The following PPIP5K2 variants were observed in gnomAD, a reference collection of about 807,000 sequenced individuals.
The protein encoded by PPIP5K2 is inositol hexakisphosphate and diphosphoinositol-pentakisphosphate kinase 2.
PPIP5K2 carries 105 observed loss-of-function variants against 154.6 expected under a neutral mutation model. The ratio of observed to expected loss-of-function variants is 0.68; its 90% confidence interval spans 0.58 to 0.80. The LOEUF is 0.80. Among genes scored for constraint, PPIP5K2 ranks in the 30% least tolerant of loss-of-function variants. The pLI, the probability that PPIP5K2 is intolerant of heterozygous loss-of-function variation, is 0.00. For missense variants in PPIP5K2, 992 were observed against 1,504.6 expected, an observed-to-expected ratio of 0.66 and a Z score of 5.64; for synonymous variants, 480 against 490.3, an observed-to-expected ratio of 0.98 and a Z score of 0.28.
At chr5:103,163,438 G>T (rs1277191312) in intron 17 of PPIP5K2, among the ~76,000 whole-genome samples, 1 of 151,642 alleles carries the variant, frequency 6.6e-6, no homozygotes, top group Admixed American at 6.6e-5. Flanking sequence ...GAGATTATAG[G>T]CATCAACCTT....
chr5:103,137,924 A>G (rs1049990044), intron 4 of PPIP5K2, among the ~76,000 whole-genome samples: 2 of 152,176 alleles, frequency 1.3e-5, no homozygotes, highest in Non-Finnish European at 2.9e-5. Context: ...CACTGTATCT[A>G]TCATATTTTT....
At position 103,141,504 on chromosome 5, in the gene PPIP5K2, T is replaced by G. The variant is rs561277604; in HGVS notation, c.487+3035T>G. On this transcript the variant is annotated intron_variant, in intron 5 of 30. Transcript: ENST00000358359. ...GGCAGCCTGCTTTTATTCTCTTATC[T>G]GGCCCCACCCACATCCTGCTGATTG... 1.1e-4 allele frequency among the ~76,000 whole-genome samples: 17 copies of G among 152,282 alleles called. No individual in the cohort carries two copies. In the South Asian group the frequency reaches 3.5e-3, roughly 32 times the overall value.
At chr5:103,148,214 A>T (rs781820889) in intron 7 of PPIP5K2, 182 bp downstream of exon 7, 14 of 654,352 alleles carry the variant, frequency 2.1e-5, no homozygotes, top group Non-Finnish European at 3.6e-5. Context: ...ACTCTTTTTT[A>T]AGAGTAGTGT....
At chr5:103,184,131 A>C (rs1194582591) in intron 25 of PPIP5K2, 1 of 152,434 alleles carries the variant, frequency 6.6e-6, no homozygotes, top group Non-Finnish European at 1.5e-5. Flanking sequence ...TGGAAGGTCT[A>C]CTGTCACACA....
At chr5:103,169,260 G>C (rs1797590474) in intron 19 of PPIP5K2, among the ~76,000 whole-genome samples, 1 of 151,620 alleles carries the variant, frequency 6.6e-6, no homozygotes, top group South Asian at 2.1e-4. Flanking sequence ...TTTCAACTCA[G>C]TACAAGATTA....
At chr5:103,144,701 G>A (rs1793439483) in intron 5 of PPIP5K2, among the ~76,000 whole-genome samples, 1 of 152,114 alleles carries the variant, frequency 6.6e-6, no homozygotes, top group African/African-American at 2.4e-5. Flanking sequence ...GTAGTGTTGG[G>A]AAAACTTGAT....
At chr5:103,190,671 C>G (rs1285266975) in intron 28 of PPIP5K2, among the ~76,000 whole-genome samples, 171 bp from the exon 29 acceptor site, 2 of 151,956 alleles carry the variant, frequency 1.3e-5, no homozygotes, top group East Asian at 3.9e-4. Context: ...CTTGTTCCAG[C>G]TCCATATTGC....
chr5:103,156,066 G>T, intron 14 of PPIP5K2, 72 bp downstream of exon 14: 1 of 1,054,502 alleles, frequency 9.5e-7, no homozygotes, highest in Non-Finnish European at 1.4e-6. Flanking sequence ...ATTACCTTTG[G>T]ACCATCTTTT....
intron 19 of PPIP5K2, among the ~76,000 whole-genome samples, chr5:103,171,445 A>G (rs1368272745): frequency 6.6e-6 from 1 of 151,576 alleles, no homozygotes; most frequent in African/African-American, 2.4e-5. Flanking sequence ...TCTCATTGAA[A>G]TCACCATAGA....
Position 103,211,972 on chromosome 5 carries a change from C to A in PPIP5K2, c.*10338C>A, listed in dbSNP as rs1306484307. On this transcript the variant is annotated 3_prime_UTR_variant, in exon 31 of 31. Coordinates refer to ENST00000358359, the MANE Select transcript of PPIP5K2 (RefSeq NM_001276277.3). ...ATGTAAAAGGAATCAACGGCTAAAT[C>A]AAGCTTAAAGTCTTCCTGTCCAAGG... is the stretch of plus-strand genomic sequence containing the variant. The A allele has an allele frequency of 6.6e-6, 1 of 152,080 alleles. No homozygotes were observed. Among genetic ancestry groups the A allele is most frequent in the Non-Finnish European group, 1.5e-5 (1 of 67,986 alleles). 9.4% of individuals were successfully genotyped at this position (152,080 alleles called of 1,614,324 possible).
At chr5:103,200,564 C>T (rs1172771426) in intron 30 of PPIP5K2, among the ~76,000 whole-genome samples, 2 of 151,798 alleles carry the variant, frequency 1.3e-5, no homozygotes, top group African/African-American at 4.8e-5. Flanking sequence ...TACATCTATT[C>T]ATCCATAGTA....
chr5:103,188,041 C>T (rs1800678617), intron 28 of PPIP5K2, among the ~76,000 whole-genome samples: 1 of 152,054 alleles, frequency 6.6e-6, no homozygotes, highest in Non-Finnish European at 1.5e-5. Context: ...TTAGAGGACT[C>T]CTGATAGGAA....
chr5:103,151,449 T>C, intron 9 of PPIP5K2, 75 bp downstream of exon 9: 1 of 1,244,196 alleles, frequency 8.0e-7, no homozygotes, highest in Non-Finnish European at 1.1e-6. Context: ...TAACATTAAA[T>C]GATCAGGGTT....
chr5:103,189,776 A>G (rs1562499896), intron 28 of PPIP5K2, among the ~76,000 whole-genome samples: 1 of 152,028 alleles, frequency 6.6e-6, no homozygotes, highest in Admixed American at 6.6e-5. Context: ...TTGGGTCAAT[A>G]TTTCCTTCAA....
rs995255222 is a variant in PPIP5K2, at chr5:103,138,582, A to G, written c.487+113A>G. On this transcript the variant is annotated intron_variant, in intron 5 of 30. Coordinates refer to ENST00000358359, the MANE Select transcript of PPIP5K2 (RefSeq NM_001276277.3). ...TAAAGAATTCATAGTATTCTATTCCATTTTAAAAAATAATCTAAACAGACA... is the reference window on the plus strand; with the variant it reads ...TAAAGAATTCATAGTATTCTATTCCGTTTTAAAAAATAATCTAAACAGACA... 60 of 559,796 alleles carry G rather than the reference A, an allele frequency of 1.1e-4. No homozygotes were observed. The African/African-American group carries it at 1.1e-3, about 10-fold the overall frequency. 34.7% of individuals were successfully genotyped at this position (559,796 alleles called of 1,614,324 possible).
chr5:103,124,444 T>C (rs990336072), intron 1 of PPIP5K2, among the ~76,000 whole-genome samples: 3 of 152,162 alleles, frequency 2.0e-5, no homozygotes, highest in African/African-American at 4.8e-5. Flanking sequence ...ATAATGGCCT[T>C]TGGTTTAAAC....
chr5:103,123,648 A>G (rs1789149757), intron 1 of PPIP5K2, among the ~76,000 whole-genome samples: 1 of 152,232 alleles, frequency 6.6e-6, no homozygotes. Context: ...TTTTCTAGTT[A>G]AGAATTACTG....
Position 103,190,850 on chromosome 5 carries a change from T to C in PPIP5K2, c.3361T>C (p.Leu1121=), listed in dbSNP as rs140592517. The change falls in exon 29 of 31, where the codon TTG becomes CTG. Residue 1121 remains leucine, a synonymous_variant. Coordinates refer to ENST00000358359, the MANE Select transcript of PPIP5K2 (RefSeq NM_001276277.3). ...FARHPTNGFE[L]YSMVPSICPL... is the part of the protein sequence containing the mutation. Reference sequence around the variant, plus strand: ...GTTTTTTTCTCTTCTAGGCTTTGAATTGTATTCCATGGTGCCATCTATTTG... The same window carrying C: ...GTTTTTTTCTCTTCTAGGCTTTGAACTGTATTCCATGGTGCCATCTATTTG... 9 of 1,585,120 alleles carry C rather than the reference T, an allele frequency of 5.7e-6. No individual in the cohort carries two copies. The African/African-American group carries it at 1.2e-4, about 22-fold the overall frequency.
intron 19 of PPIP5K2, among the ~76,000 whole-genome samples, chr5:103,169,090 C>A (rs960006546): frequency 3.3e-5 from 5 of 151,602 alleles, no homozygotes; most frequent in African/African-American, 4.8e-5. Context: ...TGGGTCTTTT[C>A]ATTATAGGAG....
Sources: allele counts gnomAD v4.1 joint callset (sites outside exome capture counted in the v4.1 genomes callset), GRCh38; gene constraint gnomAD v4.1.1; transcripts MANE v1.5; gene names NCBI Gene and HGNC (gene_info 2026-07-23, HGNC 2026-07-21).